SPATA6: variants seen among roughly 807,000 people sequenced by gnomAD.
SPATA6 encodes spermatogenesis-associated protein 6.
A neutral mutation model predicts 65.3 loss-of-function variants in SPATA6; 56 were observed. That is an observed-to-expected ratio of 0.86 (90% CI 0.69 to 1.07). The LOEUF is 1.07. Among genes scored for constraint, SPATA6 ranks in the 50% least tolerant of loss-of-function variants. The pLI is 0.00. For missense variants in SPATA6, 590 were observed against 594.8 expected, an observed-to-expected ratio of 0.99 and a Z score of 0.08; for synonymous variants, 199 against 213.2, an observed-to-expected ratio of 0.93 and a Z score of 0.58.
At chr1:48,363,535 G>A (rs1053700594) in intron 9 of SPATA6, among the ~76,000 whole-genome samples, 1 of 152,018 alleles carries the variant, frequency 6.6e-6, no homozygotes, top group Non-Finnish European at 1.5e-5. Context: ...AACACTAGTG[G>A]AGAGCTTGGC....
chr1:48,281,169 T>C, the SPATA6 span, among the ~76,000 whole-genome samples: 2 of 152,138 alleles, frequency 1.3e-5, no homozygotes, highest in South Asian at 2.1e-4. Flanking sequence ...AATTAAGTAT[T>C]GATGGGATGT....
At position 48,384,339 on chromosome 1, in the gene SPATA6, A is replaced by C. The variant is rs1443572634; in HGVS notation, c.909+970T>G. On this transcript the variant is annotated intron_variant, in intron 9 of 12. Coordinates refer to ENST00000371847, the MANE Select transcript of SPATA6 (RefSeq NM_019073.4). ...AGGGAGACCGTGGAGGGACAGGGAC[A>C]GGGACAGGGACAGGGAGAGGGAGAG... 7.0e-5 allele frequency among the ~76,000 whole-genome samples: 4 copies of C among 57,410 alleles called. 1 individual carries two copies. The highest frequency in any genetic ancestry group is 2.2e-4 in the Admixed American group (1 of 4,570). The allele number at this position is 57,410 out of a possible 152,430, so 37.7% of individuals were successfully genotyped here.
intron 1 of SPATA6, among the ~76,000 whole-genome samples, chr1:48,462,451 CAAAT>C (rs1224861462): frequency 2.6e-5 from 4 of 152,080 alleles, no homozygotes; most frequent in East Asian, 3.9e-4. Flanking sequence ...ACAGAATAAA[CAAAT>C]AAATCCACAG....
chr1:48,447,774 A>G (rs1656196964), intron 3 of SPATA6, among the ~76,000 whole-genome samples: 1 of 152,204 alleles, frequency 6.6e-6, no homozygotes, highest in Non-Finnish European at 1.5e-5. Context: ...AAATATTTGG[A>G]AATAAGTTAT....
intron 11 of SPATA6, among the ~76,000 whole-genome samples, chr1:48,324,118 C>A (rs1372496815): frequency 2.6e-5 from 4 of 151,548 alleles, no homozygotes; most frequent in Non-Finnish European, 4.4e-5. Context: ...CCTATCTACT[C>A]TATTATTATT....
At chr1:48,307,749 C>T (rs551656019) in intron 11 of SPATA6, among the ~76,000 whole-genome samples, 5 of 151,602 alleles carry the variant, frequency 3.3e-5, no homozygotes, top group Non-Finnish European at 5.9e-5. Context: ...ATCAGTTTTT[C>T]CTTATATTTT....
intron 11 of SPATA6, among the ~76,000 whole-genome samples, chr1:48,309,339 C>A (rs1205419544): frequency 6.6e-6 from 1 of 152,014 alleles, no homozygotes; most frequent in Admixed American, 6.6e-5. Context: ...GACTTGTCTT[C>A]AAGTCCAATA....
chr1:48,467,372 T>A lies in SPATA6; in HGVS notation c.51+4586A>T, dbSNP rs549232909. Among the ~76,000 whole-genome samples the A allele has an allele frequency of 2.6e-5, 4 of 152,182 alleles. No homozygotes were observed. The South Asian group carries it at 8.3e-4, about 32-fold the overall frequency. On this transcript the variant is annotated intron_variant, in intron 1 of 12. Transcript: ENST00000371847. ...AGGCAATCAAAGATAACACCTAGTT[T>A]CCAGTTTATAGTAATTGGGAAAAAA...
chr1:48,268,740 T>C, the SPATA6 span, among the ~76,000 whole-genome samples: 1 of 152,182 alleles, frequency 6.6e-6, no homozygotes, highest in African/African-American at 2.4e-5. Context: ...TCCTTACCAA[T>C]ATGCACAAGG....
At chr1:48,305,520 T>G (rs1645039568) in intron 12 of SPATA6, among the ~76,000 whole-genome samples, 1 of 152,124 alleles carries the variant, frequency 6.6e-6, no homozygotes, top group African/African-American at 2.4e-5. Context: ...CTATTTTTTA[T>G]ATTAAAATAA....
At chr1:48,293,393 C>CT (rs1557512713), downstream of SPATA6, among the ~76,000 whole-genome samples, 1 of 152,082 alleles carries the variant, frequency 6.6e-6, no homozygotes, top group Admixed American at 6.5e-5. Flanking sequence ...TTTTGCTTTG[C>CT]TTTTTTGCTC....
intron 11 of SPATA6, among the ~76,000 whole-genome samples, chr1:48,309,196 GT>G (rs1645137185): frequency 6.6e-6 from 1 of 151,990 alleles, no homozygotes; most frequent in Non-Finnish European, 1.5e-5. Context: ...TATTCCTTCT[GT>G]CCCTTCCTTT....
intron 1 of SPATA6, among the ~76,000 whole-genome samples, chr1:48,467,527 GTAT>G (rs1048613198): frequency 3.9e-5 from 6 of 152,008 alleles, no homozygotes; most frequent in Admixed American, 1.3e-4. Context: ...ATTCATAATA[GTAT>G]TATCCAATAA....
chr1:48,326,289 C>T (rs1645757778), intron 11 of SPATA6, among the ~76,000 whole-genome samples: 1 of 152,132 alleles, frequency 6.6e-6, no homozygotes, highest in African/African-American at 2.4e-5. Flanking sequence ...CCTAAGAATA[C>T]ATTTAACCAA....
intron 3 of SPATA6, among the ~76,000 whole-genome samples, chr1:48,415,950 C>T (rs1652736930): frequency 6.6e-6 from 1 of 152,142 alleles, no homozygotes; most frequent in Non-Finnish European, 1.5e-5. Flanking sequence ...CACCTATAAT[C>T]CCAGCACTTT....
the SPATA6 span, among the ~76,000 whole-genome samples, chr1:48,286,463 T>G: frequency 1.3e-5 from 2 of 152,186 alleles, no homozygotes; most frequent in African/African-American, 2.4e-5. Context: ...CCCTTTCAGA[T>G]AGTTGTTAGG....
At chr1:48,438,049 GGCCACCCCA>G (rs1369507911) in intron 3 of SPATA6, among the ~76,000 whole-genome samples, 3 of 152,062 alleles carry the variant, frequency 2.0e-5, no homozygotes, top group East Asian at 3.9e-4. Flanking sequence ...AACAAAAGGT[GGCCACCCCA>G]GCCAGCAGCG....
At chr1:48,268,723 T>C in the SPATA6 span, among the ~76,000 whole-genome samples, 1 of 152,174 alleles carries the variant, frequency 6.6e-6, no homozygotes, top group Non-Finnish European at 1.5e-5. Flanking sequence ...AAAACCTACA[T>C]AGAACTTCCT....
At chr1:48,423,069 T>TA (rs1426643739) in intron 3 of SPATA6, among the ~76,000 whole-genome samples, 1 of 152,130 alleles carries the variant, frequency 6.6e-6, no homozygotes, top group Non-Finnish European at 1.5e-5. Flanking sequence ...TAGGTTTAGT[T>TA]AAAAAAATTA....
Sources: gnomAD v4.1 joint callset for allele counts (sites outside exome capture counted in the v4.1 genomes callset) on GRCh38, gnomAD v4.1.1 for gene constraint, MANE v1.5 for transcripts, NCBI Gene and HGNC (gene_info 2026-07-23, HGNC 2026-07-21) for gene names.